The following KIF1B variants were observed in gnomAD, a reference collection of about 807,000 sequenced individuals.
The protein encoded by KIF1B is kinesin family member 1B.
KIF1B carries 76 observed loss-of-function variants against 241.9 expected under a neutral mutation model. The observed-to-expected ratio is 0.31, with a 90% CI of 0.26 to 0.38. KIF1B has a LOEUF of 0.38. KIF1B is among the 10% of genes least tolerant of loss of function. The probability of loss-of-function intolerance (pLI) is 1.00; values close to 1 mark genes in which losing one functional copy is unlikely to be tolerated. For missense variants in KIF1B, 1,622 were observed against 2,271.4 expected (o/e 0.71, Z 5.81); for synonymous variants, 750 against 796.7 (o/e 0.94, Z 0.99).
chr1:10,287,977 G>A (rs1649797626), intron 15 of KIF1B, among the ~76,000 whole-genome samples: 1 of 152,158 alleles, frequency 6.6e-6, no homozygotes. Context: ...GCATCCTGTT[G>A]TCCTGTCTGT....
At chr1:10,261,861 C>A in intron 4 of KIF1B, 44 bp from the exon 5 acceptor site, 2 of 1,284,586 alleles carry the variant, frequency 1.6e-6, no homozygotes, top group Non-Finnish European at 2.3e-6. Context: ...CTTAGTACTC[C>A]TCTCATTTGT....
intron 38 of KIF1B, among the ~76,000 whole-genome samples, chr1:10,356,659 T>C (rs962655344): frequency 1.3e-5 from 2 of 151,908 alleles, no homozygotes; most frequent in South Asian, 2.1e-4. Context: ...CCCAGCACTT[T>C]GGGAGACCGA....
chr1:10,285,932 T>C (rs1344785932), intron 15 of KIF1B, among the ~76,000 whole-genome samples: 1 of 152,218 alleles, frequency 6.6e-6, no homozygotes, highest in East Asian at 1.9e-4. Context: ...TTTTTGACTT[T>C]AAAAAAGGTC....
At chr1:10,334,757 A>C in intron 28 of KIF1B, 119 bp downstream of exon 28, 1 of 778,180 alleles carries the variant, frequency 1.3e-6, no homozygotes, top group Non-Finnish European at 2.3e-6. Flanking sequence ...TTGTATGTGT[A>C]ATATACAGAC....
intron 1 of KIF1B, among the ~76,000 whole-genome samples, chr1:10,224,720 G>A (rs956889806): frequency 3.4e-5 from 5 of 148,180 alleles, no homozygotes; most frequent in Admixed American, 6.7e-5. Flanking sequence ...AACCATGCCT[G>A]GCCCCAATTT....
At chr1:10,297,332 A>T in intron 22 of KIF1B, 86 bp downstream of exon 22, 1 of 1,172,966 alleles carries the variant, frequency 8.5e-7, no homozygotes, top group Non-Finnish European at 1.3e-6. Context: ...TACTCACCCA[A>T]ATTGCTTCTG....
rs200624647 is a variant in KIF1B, at chr1:10,303,375, C to T, written c.2115+6129C>T. 3.1e-6 allele frequency: 5 copies of T among 1,614,148 alleles called. No individual in the cohort carries two copies. The East Asian group carries it at 1.1e-4, about 36-fold the overall frequency. On this transcript the variant is annotated intron_variant, in intron 22 of 48. Coordinates refer to ENST00000676179, the MANE Select transcript of KIF1B (RefSeq NM_001365951.3). This position sits in a 1 kb window ranked among gnomAD's most constrained non-coding sequence, Gnocchi z 5.2. ...GCTTGAGTAAAGATTCCAAGTGGGT[C>T]ACAATCTCAGATCTTAAAATTCAGG...
chr1:10,213,235 T>G (rs1163052329), intron 1 of KIF1B, among the ~76,000 whole-genome samples: 4 of 152,160 alleles, frequency 2.6e-5, no homozygotes, highest in Admixed American at 1.3e-4. Context: ...CAGACCTGAT[T>G]GTGAATCTGA....
At chr1:10,327,921 C>A (rs1651783230) in intron 27 of KIF1B, among the ~76,000 whole-genome samples, 1 of 152,172 alleles carries the variant, frequency 6.6e-6, no homozygotes, top group Non-Finnish European at 1.5e-5. Context: ...TAAAATTTAT[C>A]TCACCAGGTG....
chr1:10,364,153 G>T (rs1638500741), intron 41 of KIF1B, among the ~76,000 whole-genome samples: 2 of 148,944 alleles, frequency 1.3e-5, no homozygotes. Context: ...ATGTGTGTGT[G>T]TATTCCCTTC....
chr1:10,256,661 A>G (rs1404621909), intron 3 of KIF1B, among the ~76,000 whole-genome samples: 2 of 150,976 alleles, frequency 1.3e-5, no homozygotes, highest in African/African-American at 2.4e-5. Context: ...CATTACCAAC[A>G]TTATTGCCCA....
At chr1:10,224,672 C>G (rs905760033) in intron 1 of KIF1B, among the ~76,000 whole-genome samples, 1 of 152,200 alleles carries the variant, frequency 6.6e-6, no homozygotes. Context: ...AATTCTTTCA[C>G]TTTAGCCTCC....
chr1:10,328,389 G>A (rs955845999), intron 27 of KIF1B, among the ~76,000 whole-genome samples: 1 of 152,112 alleles, frequency 6.6e-6, no homozygotes, highest in Non-Finnish European at 1.5e-5. Flanking sequence ...TGGCAAAGGA[G>A]CATTTAGAAT....
rs752231830 is a variant in KIF1B, at chr1:10,375,271, C to A, written c.5306C>A (p.Ala1769Asp). 4 of 1,613,558 alleles carry A rather than the reference C, an allele frequency of 2.5e-6. No homozygotes were observed. The East Asian group carries it at 8.9e-5, about 36-fold the overall frequency. The change falls in exon 48 of 49, where the codon GCT becomes GAT. Residue 1769 changes from alanine to aspartate, a missense_variant. Transcript: ENST00000676179. ...TTCTTTCAGACACCAAACACCTTTG[C>A]TGTCTGCACAAAGCACCGTGGGGTC... ...QAMVKTPNTFAVCTKHRGVLL... is the reference protein window; with the variant it reads ...QAMVKTPNTFDVCTKHRGVLL...
At chr1:10,255,526 G>C (rs1178083855) in intron 2 of KIF1B, among the ~76,000 whole-genome samples, 1 of 151,778 alleles carries the variant, frequency 6.6e-6, no homozygotes, top group Non-Finnish European at 1.5e-5. Flanking sequence ...GGATGAGGTG[G>C]TTGCAGTGAG....
Position 10,282,443 on chromosome 1 carries a change from C to G in KIF1B, c.1344C>G (p.Leu448=), listed in dbSNP as rs757294552. The G allele has an allele frequency of 1.2e-6, 2 of 1,614,132 alleles. No homozygotes were observed. Among genetic ancestry groups the G allele is most frequent in the Non-Finnish European group, 1.7e-6 (2 of 1,179,990 alleles). Residue 448 remains leucine (L), a synonymous_variant, in exon 15 of 49, where the codon CTC becomes CTG. Transcript: ENST00000676179. ...SLTSSPSSCS[L]SSQVGLTSVT... is the part of the protein sequence containing the mutation. ...CTTCATCCCCATCTTCCTGCTCACT[C>G]AGTAGTCAGGTGGGCTTGACGTCTG...
intron 34 of KIF1B, among the ~76,000 whole-genome samples, chr1:10,343,724 C>T (rs1174191011): frequency 6.6e-6 from 1 of 152,152 alleles, no homozygotes; most frequent in African/African-American, 2.4e-5. Context: ...CACCTTTGCA[C>T]TCCAGCCTGG....
chr1:10,344,729 T>G (rs1170514593), intron 34 of KIF1B: 2 of 152,226 alleles, frequency 1.3e-5, no homozygotes, highest in African/African-American at 2.4e-5. Context: ...TGAATAGTGC[T>G]AAATGATTCA....
chr1:10,290,467 G>A (rs1041331716), intron 15 of KIF1B, among the ~76,000 whole-genome samples: 2 of 152,026 alleles, frequency 1.3e-5, no homozygotes, highest in Non-Finnish European at 2.9e-5. Flanking sequence ...CAGTAAATAC[G>A]TTTGGGAACT....
Sources: gnomAD v4.1 joint callset for allele counts (sites outside exome capture counted in the v4.1 genomes callset) on GRCh38, gnomAD v4.1.1 for gene constraint, Gnocchi (gnomAD v3.1) non-coding constraint, MANE v1.5 for transcripts, NCBI Gene and HGNC (gene_info 2026-07-23, HGNC 2026-07-21) for gene names.